The following GALNTL6 variants were observed in gnomAD, a reference collection of about 807,000 sequenced individuals.
The protein encoded by GALNTL6 is polypeptide N-acetylgalactosaminyltransferase-like 6.
GALNTL6 carries 46 observed loss-of-function variants against 73.7 expected under a neutral mutation model. The observed-to-expected ratio is 0.62, with a 90% CI of 0.49 to 0.80. The LOEUF (loss-of-function observed/expected upper bound fraction) is 0.80, where lower values mean the gene tolerates loss of function less well. GALNTL6 is among the 30% of genes least tolerant of loss of function. The pLI is 0.00. For missense variants in GALNTL6, 604 were observed against 755.0 expected (o/e 0.80, Z 2.34); for synonymous variants, 259 against 263.7 (o/e 0.98, Z 0.17).
intron 5 of GALNTL6, among the ~76,000 whole-genome samples, chr4:172,751,906 G>A (rs1344799282): frequency 6.6e-6 from 1 of 152,108 alleles, no homozygotes; most frequent in Non-Finnish European, 1.5e-5. Context: ...AGTCATACGT[G>A]CTTGTACTTC....
At chr4:172,491,567 C>T (rs1733894295) in intron 5 of GALNTL6, among the ~76,000 whole-genome samples, 1 of 152,054 alleles carries the variant, frequency 6.6e-6, no homozygotes, top group Admixed American at 6.6e-5. Context: ...TCTGCCTACT[C>T]TCTTGAGTAT....
At chr4:171,905,330 G>T (rs1737241317) in intron 2 of GALNTL6, among the ~76,000 whole-genome samples, 1 of 151,832 alleles carries the variant, frequency 6.6e-6, no homozygotes, top group African/African-American at 2.4e-5. Context: ...ACTAAAAAAG[G>T]CAGGGGTTGC....
At chr4:172,887,347 C>A (rs1388373301) in intron 8 of GALNTL6, among the ~76,000 whole-genome samples, 1 of 151,894 alleles carries the variant, frequency 6.6e-6, no homozygotes, top group Non-Finnish European at 1.5e-5. Context: ...TGGACATGTA[C>A]CTAGTAATGA....
At chr4:172,269,789 TC>T (rs1295202219) in intron 3 of GALNTL6, among the ~76,000 whole-genome samples, 1 of 152,070 alleles carries the variant, frequency 6.6e-6, no homozygotes, top group Non-Finnish European at 1.5e-5. Context: ...TTTCACTTTG[TC>T]GCCCAGGCTG....
chr4:172,848,780 A>T (rs1458663105), intron 7 of GALNTL6, among the ~76,000 whole-genome samples: 1 of 152,198 alleles, frequency 6.6e-6, no homozygotes, highest in African/African-American at 2.4e-5. Flanking sequence ...ACTGGAAATG[A>T]TAGGGAGTAA....
At chr4:171,934,624 C>A (rs1738287950) in intron 2 of GALNTL6, among the ~76,000 whole-genome samples, 1 of 151,998 alleles carries the variant, frequency 6.6e-6, no homozygotes. Context: ...CCATGTTACC[C>A]AGGCTGATCT....
intron 2 of GALNTL6, among the ~76,000 whole-genome samples, chr4:172,219,199 G>GTGTATATATATATATATATATATATA (rs1310041553): frequency 3.4e-5 from 4 of 116,204 alleles, no homozygotes; most frequent in Non-Finnish European, 7.1e-5. Context: ...TTAAGCAAGT[G>GTGTATATATATATATATATATATATA]TATATATATA....
intron 2 of GALNTL6, among the ~76,000 whole-genome samples, chr4:172,139,311 T>G (rs1037419842): frequency 3.7e-4 from 57 of 152,228 alleles, no homozygotes; most frequent in African/African-American, 1.3e-3. Flanking sequence ...TTGAATATAC[T>G]TTTTAAAAAT....
intron 2 of GALNTL6, among the ~76,000 whole-genome samples, chr4:171,853,599 CTTTTTTTTTT>C (rs35078885): frequency 3.1e-4 from 11 of 35,348 alleles, no homozygotes; most frequent in African/African-American, 8.7e-4. Flanking sequence ...TTTAGCCACT[CTTTTTTTTTT>C]TTTTTTTTTT....
intron 5 of GALNTL6, among the ~76,000 whole-genome samples, chr4:172,705,127 A>C (rs961455291): frequency 6.6e-6 from 1 of 151,458 alleles, no homozygotes; most frequent in Admixed American, 6.6e-5. Flanking sequence ...ACTTTTATCC[A>C]TTCACCCACC....
At chr4:172,622,112 A>G (rs990606031) in intron 5 of GALNTL6, among the ~76,000 whole-genome samples, 3 of 152,224 alleles carry the variant, frequency 2.0e-5, no homozygotes, top group Non-Finnish European at 2.9e-5. Flanking sequence ...ATAAAATCTC[A>G]TATGAAATTG....
chr4:172,376,366 A>C (rs1239749798), intron 5 of GALNTL6, among the ~76,000 whole-genome samples: 1 of 152,058 alleles, frequency 6.6e-6, no homozygotes, highest in East Asian at 1.9e-4. Flanking sequence ...TGCCTTTGAG[A>C]GTTCTGCTCA....
At chr4:172,398,067 A>G (rs1743913971) in intron 5 of GALNTL6, among the ~76,000 whole-genome samples, 1 of 152,158 alleles carries the variant, frequency 6.6e-6, no homozygotes, top group Non-Finnish European at 1.5e-5. Context: ...TTATTTCTAA[A>G]GCAGAATATA....
chr4:172,447,189 T>A lies in GALNTL6; in HGVS notation c.553+98500T>A, dbSNP rs78870755. On this transcript the variant is annotated intron_variant, in intron 5 of 12. Coordinates refer to ENST00000506823, the MANE Select transcript of GALNTL6 (RefSeq NM_001034845.3). Reference sequence around the variant, plus strand: ...CGGTTCAAAGAGCAGGAAAAGAGTCTCCAGAAGAGGCCACATTTGAGACAC... The same window carrying A: ...CGGTTCAAAGAGCAGGAAAAGAGTCACCAGAAGAGGCCACATTTGAGACAC... 4.2e-3 allele frequency among the ~76,000 whole-genome samples: 633 copies of A among 152,248 alleles called. 5 individuals are homozygous for A. The highest frequency in any genetic ancestry group is 0.014 in the African/African-American group (569 of 41,554).
intron 10 of GALNTL6, among the ~76,000 whole-genome samples, chr4:173,002,857 A>C (rs1261082486): frequency 1.3e-5 from 2 of 152,108 alleles, no homozygotes; most frequent in Admixed American, 6.5e-5. Flanking sequence ...TACATGCTAC[A>C]ATGTTAAGTT....
chr4:172,561,259 CAAAAAAA>C (rs59249298), intron 5 of GALNTL6, among the ~76,000 whole-genome samples: 6 of 60,130 alleles, frequency 1.0e-4, no homozygotes, highest in African/African-American at 4.7e-4. Flanking sequence ...GACTCCGTCT[CAAAAAAA>C]AAAAAAAAAA....
intron 5 of GALNTL6, among the ~76,000 whole-genome samples, chr4:172,457,165 C>T (rs1732428001): frequency 6.6e-6 from 1 of 151,802 alleles, no homozygotes; most frequent in African/African-American, 2.4e-5. Context: ...GAGATTTTGT[C>T]ACCACCAGGC....
At position 172,320,137 on chromosome 4, in the gene GALNTL6, C is replaced by T. The variant is rs182765580; in HGVS notation, c.386+8385C>T. Among the ~76,000 whole-genome samples, 825 of 152,230 alleles carry T rather than the reference C, an allele frequency of 5.4e-3. 4 individuals carry two copies. Among genetic ancestry groups the T allele is most frequent in the South Asian group, 0.025 (122 of 4,818 alleles). ...TAGTACAGAGGTGGCATCTCTTCTT[C>T]CTCTTAGCCACCACACATGAAACAG... On this transcript the variant is annotated intron_variant, in intron 4 of 12. Coordinates refer to ENST00000506823, the MANE Select transcript of GALNTL6 (RefSeq NM_001034845.3).
chr4:172,934,374 C>T (rs1415948758), intron 9 of GALNTL6, among the ~76,000 whole-genome samples: 1 of 152,018 alleles, frequency 6.6e-6, no homozygotes, highest in Non-Finnish European at 1.5e-5. Flanking sequence ...AAAGATAAAC[C>T]TGTTCAACTT....
Sources: gnomAD v4.1 joint callset for allele counts (sites outside exome capture counted in the v4.1 genomes callset) on GRCh38, gnomAD v4.1.1 for gene constraint, MANE v1.5 for transcripts, NCBI Gene and HGNC (gene_info 2026-07-23, HGNC 2026-07-21) for gene names.